Variants in FHIT observed in about 807,000 individuals in gnomAD.
FHIT encodes bis(5'-adenosyl)-triphosphatase.
Under a neutral mutation model 17.9 loss-of-function variants are expected in FHIT, and 19 were observed. That is an observed-to-expected ratio of 1.06 (90% CI 0.74 to 1.56). FHIT has a LOEUF of 1.56. FHIT is among the 40% of genes most tolerant of loss of function. The pLI is 0.00. For synonymous variants in FHIT, 81 were observed against 69.7 expected, an observed-to-expected ratio of 1.16 and a Z score of -0.81; for missense variants, 248 against 189.2, an observed-to-expected ratio of 1.31 and a Z score of -1.82.
intron 8 of FHIT, among the ~76,000 whole-genome samples, chr3:59,796,383 T>C (rs918391152): frequency 9.2e-5 from 14 of 152,016 alleles, no homozygotes; most frequent in African/African-American, 3.4e-4. Flanking sequence ...TTACACCAGC[T>C]CCTCCTTTGC....
chr3:60,320,797 TGGA>T (rs1243004670), intron 5 of FHIT, among the ~76,000 whole-genome samples: 3 of 152,196 alleles, frequency 2.0e-5, no homozygotes, highest in Non-Finnish European at 4.4e-5. Flanking sequence ...AAATTTGAAA[TGGA>T]GGAACATATT....
intron 2 of FHIT, among the ~76,000 whole-genome samples, chr3:61,162,469 G>T (rs1217295664): frequency 1.3e-5 from 2 of 152,184 alleles, no homozygotes; most frequent in South Asian, 2.1e-4. Context: ...ACTCAAGGTA[G>T]TGTATAAATG....
At chr3:59,764,174 A>T (rs902492062) in intron 8 of FHIT, among the ~76,000 whole-genome samples, 6 of 152,174 alleles carry the variant, frequency 3.9e-5, no homozygotes, top group African/African-American at 1.2e-4. Context: ...TCCCCAGAAA[A>T]GCAGGTGAGC....
intron 3 of FHIT, among the ~76,000 whole-genome samples, chr3:60,958,300 T>C (rs1266779715): frequency 6.6e-6 from 1 of 152,190 alleles, no homozygotes; most frequent in African/African-American, 2.4e-5. Context: ...AAAACCCATA[T>C]ATTTAAACTT....
At chr3:60,958,188 A>T (rs950982376) in intron 3 of FHIT, among the ~76,000 whole-genome samples, 2 of 152,366 alleles carry the variant, frequency 1.3e-5, no homozygotes, top group Admixed American at 1.3e-4. Context: ...ACCTCCTGTC[A>T]GTTTGTAGAT....
At chr3:59,787,481 A>AC (rs1699356128) in intron 8 of FHIT, among the ~76,000 whole-genome samples, 3 of 142,400 alleles carry the variant, frequency 2.1e-5, no homozygotes, top group African/African-American at 5.3e-5. Flanking sequence ...CAAGGGGCAA[A>AC]ACACACACAC....
chr3:59,782,804 AT>A (rs35886908), intron 8 of FHIT, among the ~76,000 whole-genome samples: 22 of 151,268 alleles, frequency 1.5e-4, no homozygotes, highest in African/African-American at 4.4e-4. Context: ...TCTTTCTGGC[AT>A]TTTTTTTTCC....
In FHIT at chr3:60,431,683, G is replaced by A. The variant is rs114366174; in HGVS notation, c.103+105177C>T. On this transcript the variant is annotated intron_variant, in intron 5 of 9. Transcript: ENST00000492590. ...GCCATCTTACCAAAGTCGGGAGTCTGCATTTCCTAAGCACCTCACTGACAT... is the reference window on the plus strand; with the variant it reads ...GCCATCTTACCAAAGTCGGGAGTCTACATTTCCTAAGCACCTCACTGACAT... 2.6e-3 allele frequency among the ~76,000 whole-genome samples: 394 copies of A among 152,170 alleles called. 5 individuals carry two copies. The highest frequency in any genetic ancestry group is 0.01 in the Middle Eastern group (3 of 294).
intron 5 of FHIT, among the ~76,000 whole-genome samples, chr3:60,187,601 T>C (rs944175160): frequency 1.3e-5 from 2 of 152,200 alleles, no homozygotes; most frequent in Non-Finnish European, 1.5e-5. Context: ...CAGCCCTGCC[T>C]ATTACATTCA....
intron 4 of FHIT, among the ~76,000 whole-genome samples, chr3:60,812,763 G>T (rs1432471518): frequency 6.6e-6 from 1 of 152,068 alleles, no homozygotes; most frequent in African/African-American, 2.4e-5. Flanking sequence ...TGAGTCAGTG[G>T]TGTTTCCCCA....
At chr3:60,620,581 A>G (rs2039092566) in intron 4 of FHIT, among the ~76,000 whole-genome samples, 1 of 151,246 alleles carries the variant, frequency 6.6e-6, no homozygotes, top group African/African-American at 2.4e-5. Flanking sequence ...GATGGGATAC[A>G]TTGGAAAAAA....
intron 4 of FHIT, among the ~76,000 whole-genome samples, chr3:60,810,674 G>T (rs140849191): frequency 3.3e-5 from 5 of 152,224 alleles, no homozygotes; most frequent in African/African-American, 1.2e-4. Flanking sequence ...CACTCTCCAA[G>T]TCCTCAAGTC....
At chr3:60,640,417 A>G (rs1389909617) in intron 4 of FHIT, among the ~76,000 whole-genome samples, 2 of 152,158 alleles carry the variant, frequency 1.3e-5, no homozygotes, top group East Asian at 1.9e-4. Flanking sequence ...AAAATGGTGT[A>G]TATCTTGCAG....
chr3:61,250,840 T>C (rs1221312388), intron 1 of FHIT, among the ~76,000 whole-genome samples: 5 of 152,194 alleles, frequency 3.3e-5, no homozygotes, highest in African/African-American at 1.2e-4. Flanking sequence ...AATGCTGCCT[T>C]CTCTATACTC....
chr3:61,037,201 G>A (rs1202970586), intron 3 of FHIT, among the ~76,000 whole-genome samples: 2 of 152,108 alleles, frequency 1.3e-5, no homozygotes, highest in Non-Finnish European at 2.9e-5. Context: ...GTGAGCCACC[G>A]TGCCCGGCCC....
chr3:60,100,676 C>T (rs1284925481), intron 5 of FHIT, among the ~76,000 whole-genome samples: 1 of 151,924 alleles, frequency 6.6e-6, no homozygotes, highest in African/African-American at 2.4e-5. Context: ...AGAAGGGGCT[C>T]GAGGACAAAG....
chr3:59,962,366 G>A (rs1196558786), intron 7 of FHIT, among the ~76,000 whole-genome samples: 1 of 152,142 alleles, frequency 6.6e-6, no homozygotes, highest in Non-Finnish European at 1.5e-5. Context: ...TCAAAGTTTA[G>A]TGAGAGCCAA....
chr3:59,781,320 G>A (rs955123407), intron 8 of FHIT, among the ~76,000 whole-genome samples: 5 of 152,156 alleles, frequency 3.3e-5, no homozygotes, highest in Non-Finnish European at 7.4e-5. Context: ...GACGGATGAG[G>A]CATTTCAGAA....
chr3:60,313,923 C>A (rs1449058329), intron 5 of FHIT, among the ~76,000 whole-genome samples: 1 of 152,122 alleles, frequency 6.6e-6, no homozygotes, highest in Non-Finnish European at 1.5e-5. Context: ...TGAGGCCAGG[C>A]AAGGGTGCAA....
Sources: allele counts gnomAD v4.1 joint callset (sites outside exome capture counted in the v4.1 genomes callset), GRCh38; gene constraint gnomAD v4.1.1; transcripts MANE v1.5; gene names NCBI Gene and HGNC (gene_info 2026-07-23, HGNC 2026-07-21).